Variants in DCAF17 observed in about 807,000 individuals in gnomAD.
The protein encoded by DCAF17 is DDB1- and CUL4-associated factor 17.
A neutral mutation model predicts 66.0 loss-of-function variants in DCAF17; 48 were observed. The observed-to-expected ratio is 0.73, with a 90% CI of 0.58 to 0.92. The LOEUF is 0.92. Among genes scored for constraint, DCAF17 ranks in the 40% least tolerant of loss-of-function variants. The pLI is 0.00. For synonymous variants in DCAF17, 206 were observed against 214.6 expected (o/e 0.96, Z 0.35); for missense variants, 562 against 622.8 (o/e 0.90, Z 1.04).
chr2:171,475,666 G>A (rs1269664615), intron 10 of DCAF17, among the ~76,000 whole-genome samples: 5 of 152,252 alleles, frequency 3.3e-5, no homozygotes, highest in Non-Finnish European at 1.5e-5. Context: ...AGGAGTCTGG[G>A]GCAGGAGGAT....
At chr2:171,449,747 T>G in intron 4 of DCAF17, 132 bp from the exon 5 acceptor site, 1 of 591,810 alleles carries the variant, frequency 1.7e-6, no homozygotes. Flanking sequence ...GCTATTTATT[T>G]TTTAAAATAG....
rs778114154 is a variant in DCAF17 at position 171,453,176 on chromosome 2, C to T, written c.590C>T (p.Pro197Leu). The T allele has an allele frequency of 5.6e-6, 9 of 1,612,628 alleles. No homozygotes were observed. In the African/African-American group the frequency reaches 1.1e-4, roughly 19 times the overall value. ...TACCTTGCAGTGTTCCGAGTTCTAC[C>T]TTTTTCACTTGTAGGGATTCTAGAG... is the stretch of plus-strand genomic sequence containing the variant. ...LLYLAVFRVL[P>L]FSLVGILEIN... is the part of the protein sequence containing the mutation. Residue 197 changes from proline (P) to leucine (L), a missense_variant, in exon 6 of 14, where the codon CCT (proline) becomes CTT (leucine). Pro to Leu is a moderately conservative substitution (Grantham distance 98). Coordinates refer to ENST00000375255, the MANE Select transcript of DCAF17 (RefSeq NM_025000.4).
chr2:171,451,221 A>G (rs1694933997), intron 5 of DCAF17, among the ~76,000 whole-genome samples: 1 of 151,872 alleles, frequency 6.6e-6, no homozygotes, highest in African/African-American at 2.4e-5. Context: ...AGCCAAGCAA[A>G]CTATTTGTTG....
chr2:171,467,143 G>A (rs974576078), intron 8 of DCAF17, among the ~76,000 whole-genome samples: 1 of 151,646 alleles, frequency 6.6e-6, no homozygotes, highest in African/African-American at 2.4e-5. Flanking sequence ...CTTTACACAG[G>A]TTTGAACTGC....
intron 8 of DCAF17, among the ~76,000 whole-genome samples, chr2:171,460,790 C>G (rs1161525759): frequency 6.6e-6 from 1 of 152,064 alleles, no homozygotes; most frequent in Non-Finnish European, 1.5e-5. Flanking sequence ...CCTACCTCAT[C>G]CGCCCAAAGT....
At chr2:171,439,068 G>A (rs1348950223) in intron 2 of DCAF17, among the ~76,000 whole-genome samples, 1 of 151,824 alleles carries the variant, frequency 6.6e-6, no homozygotes, top group African/African-American at 2.4e-5. Context: ...TATGCTCTCT[G>A]AAGAGAAATC....
intron 5 of DCAF17, 96 bp downstream of exon 5, chr2:171,450,053 G>A: frequency 9.3e-7 from 1 of 1,074,302 alleles, no homozygotes; most frequent in Non-Finnish European, 1.4e-6. Context: ...TTTTATTTCT[G>A]AAGCATGCTG....
In DCAF17 at chr2:171,483,664, A is replaced by G. The variant is rs960418697; in HGVS notation, c.*2550A>G. 2.4e-5 allele frequency: 11 copies of G among 453,780 alleles called. No individual in the cohort carries two copies. The highest frequency in any genetic ancestry group is 3.1e-5 in the Non-Finnish European group (7 of 226,786). 28.1% of individuals were successfully genotyped at this position (453,780 alleles called of 1,614,324 possible). A position where few individuals can be genotyped will look rare whatever the true frequency, so the allele number is the denominator to read the frequency against. On this transcript the variant is annotated 3_prime_UTR_variant, in exon 14 of 14. Coordinates refer to ENST00000375255, the MANE Select transcript of DCAF17 (RefSeq NM_025000.4). The stretch of plus-strand genomic sequence containing the variant: ...TCTTACAGTTCTTTTTTTAAATAAT[A>G]TATTTATTGAGCACTTTCTATCTAC...
chr2:171,447,534 T>C (rs1270764857), intron 3 of DCAF17: 1 of 172,756 alleles, frequency 5.8e-6, no homozygotes, highest in East Asian at 1.8e-4. Context: ...CTAATTTTTG[T>C]ATTTTTTTTA....
chr2:171,476,759 C>T, intron 10 of DCAF17, 101 bp from the exon 11 acceptor site: 1 of 784,408 alleles, frequency 1.3e-6, no homozygotes, highest in Non-Finnish European at 2.2e-6. Flanking sequence ...CTCAGTGTTA[C>T]TATAATTTTT....
At chr2:171,439,455 A>G (rs2105726336) in intron 2 of DCAF17, among the ~76,000 whole-genome samples, 1 of 150,454 alleles carries the variant, frequency 6.6e-6, no homozygotes, top group South Asian at 2.1e-4. Flanking sequence ...TAACTGTTAA[A>G]GGCGTTCTTC....
chr2:171,444,746 A>G (rs1310453297), intron 3 of DCAF17, among the ~76,000 whole-genome samples: 2 of 152,230 alleles, frequency 1.3e-5, no homozygotes, highest in African/African-American at 2.4e-5. Context: ...CCTTTAGGAA[A>G]AACGGAACTC....
At position 171,483,740 on chromosome 2, in the gene DCAF17, A is replaced by G. The variant is rs979630744; in HGVS notation, c.*2626A>G. 2.2e-6 allele frequency: 1 copy of G among 454,110 alleles called. No homozygotes were observed. Among genetic ancestry groups the G allele is most frequent in the Non-Finnish European group, 4.4e-6 (1 of 226,802 alleles). The allele number at this position is 454,110 out of a possible 1,614,324, so 28.1% of individuals were successfully genotyped here. A position where few individuals can be genotyped will look rare whatever the true frequency, so the allele number is the denominator to read the frequency against. On this transcript the variant is annotated 3_prime_UTR_variant, in exon 14 of 14. Transcript: ENST00000375255. ...AAGTGGGTTGTCTCATTTAATATTC[A>G]GAATAACCACATGAAGTATGAACTG...
At chr2:171,450,441 C>G (rs529280678) in intron 5 of DCAF17, among the ~76,000 whole-genome samples, 12 of 149,538 alleles carry the variant, frequency 8.0e-5, no homozygotes, top group Admixed American at 6.6e-4. Flanking sequence ...TTTTTTTTTT[C>G]TGAAGCGTGC....
intron 11 of DCAF17, 39 bp from the exon 12 acceptor site, chr2:171,477,948 A>G (rs1238944875): frequency 6.4e-7 from 1 of 1,562,942 alleles, no homozygotes; most frequent in Non-Finnish European, 8.8e-7. Context: ...TGCATGTAAT[A>G]GAACTTGTCA....
At chr2:171,472,274 G>A (rs1254943173) in intron 9 of DCAF17, among the ~76,000 whole-genome samples, 3 of 152,074 alleles carry the variant, frequency 2.0e-5, no homozygotes, top group Admixed American at 1.3e-4. Flanking sequence ...CTGCCTCCTG[G>A]GTTCAAGCCA....
chr2:171,451,382 A>G (rs1041468380), intron 5 of DCAF17, among the ~76,000 whole-genome samples: 5 of 152,182 alleles, frequency 3.3e-5, no homozygotes, highest in Non-Finnish European at 5.9e-5. Context: ...TCTAAGAAAG[A>G]GAGATGCTAT....
chr2:171,481,710 CT>C lies in DCAF17; in HGVS notation c.*600del, dbSNP rs1310616597. On this transcript the variant is annotated 3_prime_UTR_variant, in exon 14 of 14. Coordinates refer to ENST00000375255, the MANE Select transcript of DCAF17 (RefSeq NM_025000.4). ...GAATTGGTTCTAGTTCCCAAATTAT[CT>C]TTTCTTCCTTGGTTTTGTTCTCTTG... 1 of 453,706 alleles carries C rather than the reference CT, an allele frequency of 2.2e-6. No individual in the cohort carries two copies. Among genetic ancestry groups the C allele is most frequent in the Non-Finnish European group, 4.4e-6 (1 of 226,682 alleles). 28.1% of individuals were successfully genotyped at this position (453,706 alleles called of 1,614,324 possible). A position where few individuals can be genotyped will look rare whatever the true frequency, so the allele number is the denominator to read the frequency against.
At chr2:171,477,428 C>T (rs539925894) in intron 11 of DCAF17, among the ~76,000 whole-genome samples, 1 of 151,622 alleles carries the variant, frequency 6.6e-6, no homozygotes, top group Non-Finnish European at 1.5e-5. Context: ...GTGAATGAGG[C>T]AGCTAATCTA....
Sources: gnomAD v4.1 joint callset for allele counts (sites outside exome capture counted in the v4.1 genomes callset) on GRCh38, gnomAD v4.1.1 for gene constraint, MANE v1.5 for transcripts, NCBI Gene and HGNC (gene_info 2026-07-23, HGNC 2026-07-21) for gene names.